SPATA17: variants seen among roughly 807,000 people sequenced by gnomAD.
SPATA17 encodes the protein spermatogenesis-associated protein 17.
In SPATA17, 53 loss-of-function variants were observed where a neutral mutation model predicts 62.2. The ratio of observed to expected loss-of-function variants is 0.85; its 90% CI spans 0.68 to 1.07. The LOEUF (loss-of-function observed/expected upper bound fraction) is 1.07, where lower values mean the gene tolerates loss of function less well. Ranked by LOEUF, SPATA17 falls within the 50% of genes least tolerant of loss-of-function variation. The probability of loss-of-function intolerance (pLI) is 0.00; values close to 1 mark genes in which losing one functional copy is unlikely to be tolerated. For missense variants in SPATA17, 466 were observed against 425.5 expected (o/e 1.10, Z -0.84); for synonymous variants, 146 against 146.8 (o/e 0.99, Z 0.04).
At chr1:217,829,407 C>T (rs547535371) in intron 9 of SPATA17, among the ~76,000 whole-genome samples, 1 of 151,854 alleles carries the variant, frequency 6.6e-6, no homozygotes, top group East Asian at 1.9e-4. Flanking sequence ...GAGGCTGGAT[C>T]ATCTGAGGTC....
intron 9 of SPATA17, chr1:217,850,540 C>A: frequency 6.3e-7 from 1 of 1,590,458 alleles, no homozygotes; most frequent in Admixed American, 1.7e-5. Context: ...CCTTCCTTAT[C>A]CTGGATATTG....
chr1:217,714,675 C>T (rs6667987), intron 5 of SPATA17, among the ~76,000 whole-genome samples: 26,887 of 150,176 alleles, frequency 0.18, 2,108 homozygotes, highest in African/African-American at 0.26. Context: ...TTAGTAGAGA[C>T]GGGGTTTCAC....
At chr1:217,795,386 T>TC (rs34165752) in intron 8 of SPATA17, among the ~76,000 whole-genome samples, 24 of 147,250 alleles carry the variant, frequency 1.6e-4, no homozygotes, top group Non-Finnish European at 2.7e-4. Context: ...TTTTTTTTTT[T>TC]CGAGACAGAG....
chr1:217,864,288 A>G (rs1299036001), intron 10 of SPATA17, among the ~76,000 whole-genome samples: 1 of 152,182 alleles, frequency 6.6e-6, no homozygotes, highest in Non-Finnish European at 1.5e-5. Context: ...TATGATAATG[A>G]AAGATTGAAA....
intron 5 of SPATA17, among the ~76,000 whole-genome samples, chr1:217,728,996 A>T (rs533354387): frequency 6.6e-6 from 1 of 152,304 alleles, no homozygotes; most frequent in African/African-American, 2.4e-5. Flanking sequence ...GAGTTTGTGC[A>T]TTGTAACAAT....
chr1:217,756,456 G>T (rs2102959485), intron 6 of SPATA17, among the ~76,000 whole-genome samples: 1 of 152,174 alleles, frequency 6.6e-6, no homozygotes, highest in African/African-American at 2.4e-5. Context: ...TTCAAACTTA[G>T]CTCTGGCTGT....
At chr1:217,863,285 C>A (rs1053943686) in intron 10 of SPATA17, among the ~76,000 whole-genome samples, 2 of 151,886 alleles carry the variant, frequency 1.3e-5, no homozygotes, top group African/African-American at 4.8e-5. Flanking sequence ...CCACACCTGG[C>A]TAATTTTTGT....
At chr1:217,672,714 G>A (rs186389780) in intron 4 of SPATA17, among the ~76,000 whole-genome samples, 2 of 151,704 alleles carry the variant, frequency 1.3e-5, no homozygotes, top group African/African-American at 2.4e-5. Flanking sequence ...TTTTTTAAAG[G>A]GTCACCTTTT....
In SPATA17 at chr1:217,782,281, G is replaced by T. The variant is rs764659556; in HGVS notation, c.831G>T (p.Glu277Asp). The T allele has an allele frequency of 6.2e-7, 1 of 1,611,708 alleles. No individual in the cohort carries two copies. The highest frequency in any genetic ancestry group is 8.5e-7 in the Non-Finnish European group (1 of 1,178,720). ...PIDELKLARE[E>D]LRREEWLQNV... ...ATGAGTTAAAGTTGGCCAGAGAGGA[G>T]CTCAGAAGAGAGGAATGGCTGCAAA... Residue 277 changes from glutamate (E) to aspartate (D), a missense_variant, in exon 8 of 11, where the codon GAG (glutamate) becomes GAT (aspartate). Glu to Asp is a conservative substitution (Grantham distance 45). Transcript: ENST00000366933.
intron 9 of SPATA17, among the ~76,000 whole-genome samples, chr1:217,818,502 T>A (rs184552532): frequency 1.2e-4 from 18 of 152,172 alleles, no homozygotes; most frequent in Non-Finnish European, 1.8e-4. Context: ...GTACTGAATA[T>A]TGTAGACAGT....
At chr1:217,746,393 G>A (rs1201694772) in intron 6 of SPATA17, among the ~76,000 whole-genome samples, 4 of 151,630 alleles carry the variant, frequency 2.6e-5, no homozygotes, top group African/African-American at 9.7e-5. Context: ...AATGATGTTA[G>A]TATGGTTTAT....
In SPATA17 at chr1:217,869,499, A is replaced by C. The variant is rs1489179191; in HGVS notation, c.*2480A>C. On this transcript the variant is annotated 3_prime_UTR_variant, in exon 11 of 11. Coordinates refer to ENST00000366933, the MANE Select transcript of SPATA17 (RefSeq NM_138796.4). ...TGAAAAAAGGTTCTCTACAGAATGT[A>C]GATTTTCCCCATAAGAGATAGCTTC... The C allele has an allele frequency of 1.3e-5, 2 of 152,188 alleles. No homozygotes were observed. The highest frequency in any genetic ancestry group is 1.3e-4 in the Admixed American group (2 of 15,260). 9.4% of individuals were successfully genotyped at this position (152,188 alleles called of 1,614,324 possible).
chr1:217,755,052 T>A (rs1356832547), intron 6 of SPATA17, among the ~76,000 whole-genome samples: 1 of 152,112 alleles, frequency 6.6e-6, no homozygotes, highest in African/African-American at 2.4e-5. Flanking sequence ...AAATTTTGGA[T>A]TTTATGCAAA....
intron 3 of SPATA17, among the ~76,000 whole-genome samples, chr1:217,654,250 G>C (rs940518965): frequency 4.0e-5 from 6 of 151,192 alleles, no homozygotes; most frequent in Non-Finnish European, 1.5e-5. Context: ...CGATTCTCCT[G>C]CCTCAACTTC....
intron 4 of SPATA17, among the ~76,000 whole-genome samples, chr1:217,672,362 T>C (rs1413529830): frequency 6.6e-6 from 1 of 152,230 alleles, no homozygotes; most frequent in East Asian, 1.9e-4. Flanking sequence ...ACCAAATATC[T>C]ATATGGCCAA....
At chr1:217,694,492 A>T (rs946083259) in intron 5 of SPATA17, among the ~76,000 whole-genome samples, 30 of 137,764 alleles carry the variant, frequency 2.2e-4, no homozygotes, top group Non-Finnish European at 3.9e-4. Context: ...GTCCATTTAC[A>T]TTTAAAGTTA....
intron 3 of SPATA17, chr1:217,665,614 A>T (rs1306646065): frequency 6.6e-6 from 1 of 152,202 alleles, no homozygotes; most frequent in African/African-American, 2.4e-5. Flanking sequence ...GGGTTCTCAG[A>T]AGTTTGTCTT....
At chr1:217,702,641 C>T (rs1040360139) in intron 5 of SPATA17, among the ~76,000 whole-genome samples, 1 of 152,144 alleles carries the variant, frequency 6.6e-6, no homozygotes, top group African/African-American at 2.4e-5. Flanking sequence ...TTGTCAACAT[C>T]TTTTGCTAGT....
At chr1:217,745,077 A>C (rs1289164362) in intron 6 of SPATA17, among the ~76,000 whole-genome samples, 1 of 152,168 alleles carries the variant, frequency 6.6e-6, no homozygotes, top group Non-Finnish European at 1.5e-5. Context: ...ATTAATAAAA[A>C]ATTAGTTAGA....
Sources: allele counts gnomAD v4.1 joint callset (sites outside exome capture counted in the v4.1 genomes callset), GRCh38; gene constraint gnomAD v4.1.1; transcripts MANE v1.5; gene names NCBI Gene and HGNC (gene_info 2026-07-23, HGNC 2026-07-21).